ADGRL3: variants seen among roughly 807,000 people sequenced by gnomAD.
ADGRL3 encodes the protein adhesion G protein-coupled receptor L3.
ADGRL3 carries 62 observed loss-of-function variants against 153.5 expected under a neutral mutation model. The ratio of observed to expected loss-of-function variants is 0.40; its 90% CI spans 0.33 to 0.50. The LOEUF (loss-of-function observed/expected upper bound fraction) is 0.50. Ranked by LOEUF, ADGRL3 falls within the 20% of genes least tolerant of loss-of-function variation. ADGRL3 has a pLI of 0.47. For missense variants in ADGRL3, 1,641 were observed against 1,859.4 expected, an observed-to-expected ratio of 0.88 and a Z score of 2.16; for synonymous variants, 710 against 672.5, an observed-to-expected ratio of 1.06 and a Z score of -0.86.
intron 13 of ADGRL3, among the ~76,000 whole-genome samples, chr4:61,930,569 C>G (rs1353691068): frequency 6.6e-6 from 1 of 151,994 alleles, no homozygotes; most frequent in Admixed American, 6.6e-5. Context: ...AACATCTTAA[C>G]GAACATATCA....
intron 6 of ADGRL3, among the ~76,000 whole-genome samples, chr4:61,690,315 A>AT (rs1348633963): frequency 6.6e-6 from 1 of 152,064 alleles, no homozygotes; most frequent in African/African-American, 2.4e-5. Context: ...GTGGTGGTGC[A>AT]TGCCTGTGGT....
chr4:61,616,204 A>T (rs540973826), intron 5 of ADGRL3, among the ~76,000 whole-genome samples: 1 of 152,280 alleles, frequency 6.6e-6, no homozygotes, highest in Admixed American at 6.5e-5. Flanking sequence ...TATAATTGCT[A>T]TGACTTAGGG....
intron 13 of ADGRL3, among the ~76,000 whole-genome samples, chr4:61,913,547 C>A (rs1183736453): frequency 1.3e-5 from 2 of 152,094 alleles, no homozygotes; most frequent in African/African-American, 2.4e-5. Context: ...CCTCAAGAAC[C>A]AAATTAATGG....
In ADGRL3 at chr4:61,569,488, C is replaced by T. The variant is rs568983951; in HGVS notation, c.260-17739C>T. 2.6e-5 allele frequency among the ~76,000 whole-genome samples: 4 copies of T among 152,284 alleles called. No homozygotes were observed. In the South Asian group the frequency reaches 6.2e-4, roughly 24 times the overall value. On this transcript the variant is annotated intron_variant, in intron 4 of 26. Coordinates refer to ENST00000683033, the MANE Select transcript of ADGRL3 (RefSeq NM_001387552.1). ...GTGGAGCATACCTGTAGTCCAGCTA[C>T]TCAGGAAGCTTAGGCAGCAGGATTA...
At chr4:61,275,227 C>G (rs2093403810) in intron 1 of ADGRL3, among the ~76,000 whole-genome samples, 1 of 152,104 alleles carries the variant, frequency 6.6e-6, no homozygotes, top group South Asian at 2.1e-4. Context: ...GTGATTCACT[C>G]TTTTGTATTA....
chr4:61,808,276 G>C (rs2097572455), intron 8 of ADGRL3, among the ~76,000 whole-genome samples: 1 of 152,028 alleles, frequency 6.6e-6, no homozygotes. Context: ...ACCACAGAGT[G>C]GGAGCGGATG....
At chr4:61,621,966 TAGTC>T (rs892860927) in intron 5 of ADGRL3, among the ~76,000 whole-genome samples, 1 of 152,150 alleles carries the variant, frequency 6.6e-6, no homozygotes, top group Non-Finnish European at 1.5e-5. Flanking sequence ...AGCAAAACTT[TAGTC>T]AGACAGTTAG....
intron 8 of ADGRL3, among the ~76,000 whole-genome samples, chr4:61,784,435 C>T (rs1022649370): frequency 8.6e-6 from 1 of 116,040 alleles, no homozygotes; most frequent in Non-Finnish European, 1.8e-5. Flanking sequence ...TTAGTTGACT[C>T]ACTTTTTTCC....
chr4:61,566,601 A>T (rs1192722141), intron 4 of ADGRL3, among the ~76,000 whole-genome samples: 2 of 152,174 alleles, frequency 1.3e-5, no homozygotes, highest in African/African-American at 4.8e-5. Context: ...GAGGAGACTA[A>T]CAAAATTAAT....
At chr4:61,761,396 A>G (rs1181336551) in intron 8 of ADGRL3, among the ~76,000 whole-genome samples, 1 of 152,204 alleles carries the variant, frequency 6.6e-6, no homozygotes, top group Non-Finnish European at 1.5e-5. Flanking sequence ...AGCAAGATGG[A>G]GCTCAGTTAT....
intron 5 of ADGRL3, among the ~76,000 whole-genome samples, chr4:61,602,694 T>C (rs2099016875): frequency 6.6e-6 from 1 of 152,114 alleles, no homozygotes; most frequent in African/African-American, 2.4e-5. Flanking sequence ...ACAGAAAGCT[T>C]GAGAGACAGA....
intron 2 of ADGRL3, among the ~76,000 whole-genome samples, chr4:61,391,236 T>G (rs1362162782): frequency 6.6e-6 from 1 of 152,114 alleles, no homozygotes; most frequent in East Asian, 1.9e-4. Flanking sequence ...GGGAATTTAC[T>G]GTCATGGCAG....
At chr4:62,027,653 T>C (rs1043938166) in intron 21 of ADGRL3, among the ~76,000 whole-genome samples, 2 of 151,964 alleles carry the variant, frequency 1.3e-5, no homozygotes, top group African/African-American at 4.8e-5. Flanking sequence ...ATTCTCTGGA[T>C]GAGAAATTTT....
At chr4:62,048,049 A>G (rs528596376) in intron 25 of ADGRL3, among the ~76,000 whole-genome samples, 1 of 152,182 alleles carries the variant, frequency 6.6e-6, no homozygotes, top group African/African-American at 2.4e-5. Flanking sequence ...TTTTGCTGAT[A>G]CCTTGAAGGT....
chr4:61,456,429 C>A lies in ADGRL3; in HGVS notation c.-173-40692C>A, dbSNP rs374688309. On this transcript the variant is annotated intron_variant, in intron 2 of 26. Transcript: ENST00000683033. ...TATATATATATAGATATATCTATAT[C>A]TATATATATAGATATATCTATATCT... 5.0e-4 allele frequency among the ~76,000 whole-genome samples: 17 copies of A among 34,262 alleles called. No individual in the cohort carries two copies. The East Asian group carries it at 5.9e-3, about 12-fold the overall frequency. 22.5% of individuals were successfully genotyped at this position (34,262 alleles called of 152,430 possible). A position where few individuals can be genotyped will look rare whatever the true frequency, so the allele number is the denominator to read the frequency against.
chr4:61,748,797 T>G (rs1295673319), intron 8 of ADGRL3, among the ~76,000 whole-genome samples: 1 of 151,874 alleles, frequency 6.6e-6, no homozygotes, highest in Non-Finnish European at 1.5e-5. Context: ...GACATAGGCA[T>G]GGGCAAGGAC....
At chr4:61,862,178 G>A (rs1195781646) in intron 9 of ADGRL3, among the ~76,000 whole-genome samples, 1 of 152,130 alleles carries the variant, frequency 6.6e-6, no homozygotes, top group Non-Finnish European at 1.5e-5. Flanking sequence ...TGACTTAGGG[G>A]GTTACCATGA....
chr4:61,619,882 A>G (rs1428011240), intron 5 of ADGRL3, among the ~76,000 whole-genome samples: 2 of 152,224 alleles, frequency 1.3e-5, no homozygotes, highest in Non-Finnish European at 2.9e-5. Flanking sequence ...ACTGCTAGCT[A>G]AGCAAAAATG....
chr4:61,214,733 G>C (rs1741830196), intron 1 of ADGRL3, among the ~76,000 whole-genome samples: 1 of 151,864 alleles, frequency 6.6e-6, no homozygotes, highest in South Asian at 2.1e-4. Context: ...CCCAGGAGTC[G>C]GTGACTAATC....
Sources: gnomAD v4.1 joint callset for allele counts (sites outside exome capture counted in the v4.1 genomes callset) on GRCh38, gnomAD v4.1.1 for gene constraint, MANE v1.5 for transcripts, NCBI Gene and HGNC (gene_info 2026-07-23, HGNC 2026-07-21) for gene names.